The following SUMF1 variants were observed in gnomAD, a reference collection of about 807,000 sequenced individuals.
SUMF1 encodes formylglycine-generating enzyme.
SUMF1 carries 48 observed loss-of-function variants against 47.6 expected under a neutral mutation model. The ratio of observed to expected loss-of-function variants is 1.01; its 90% CI spans 0.80 to 1.28. SUMF1 has a LOEUF of 1.28. Among genes scored for constraint, SUMF1 ranks in the 50% most tolerant of loss-of-function variants. SUMF1 has a pLI of 0.00. For synonymous variants in SUMF1, 230 were observed against 192.1 expected (o/e 1.20, Z -1.63); for missense variants, 571 against 485.4 (o/e 1.18, Z -1.66).
chr3:4,041,104 ACTCT>A (rs1180715818), intron 9 of SUMF1, among the ~76,000 whole-genome samples: 2 of 152,058 alleles, frequency 1.3e-5, no homozygotes, highest in African/African-American at 4.8e-5. Context: ...ACAGAATCTC[ACTCT>A]GTAGCCCAGG....
chr3:4,036,266 T>C (rs1458126872), intron 9 of SUMF1, among the ~76,000 whole-genome samples: 3 of 152,212 alleles, frequency 2.0e-5, no homozygotes, highest in Admixed American at 2.0e-4. Flanking sequence ...GGAGACCTCA[T>C]GTTTAGAATG....
chr3:4,335,427 A>G (rs1699126969), intron 8 of SUMF1, among the ~76,000 whole-genome samples: 1 of 152,168 alleles, frequency 6.6e-6, no homozygotes, highest in Non-Finnish European at 1.5e-5. Context: ...TGAATCCCCA[A>G]ATCAGCCTCT....
At chr3:4,413,794 G>A (rs899042155) in intron 6 of SUMF1, among the ~76,000 whole-genome samples, 13 of 151,926 alleles carry the variant, frequency 8.6e-5, no homozygotes, top group Admixed American at 4.6e-4. Flanking sequence ...GGGAGGCTGA[G>A]GAAAAAGGAT....
chr3:4,432,723 ACAGT>A (rs935472601), intron 3 of SUMF1, among the ~76,000 whole-genome samples: 1 of 152,224 alleles, frequency 6.6e-6, no homozygotes, highest in African/African-American at 2.4e-5. Flanking sequence ...GTCCGTCATC[ACAGT>A]CAGTTATAAA....
chr3:4,170,466 AT>A (rs1373029088), intron 8 of SUMF1, among the ~76,000 whole-genome samples: 5 of 152,302 alleles, frequency 3.3e-5, no homozygotes, highest in Admixed American at 2.6e-4. Context: ...CAATGCACCA[AT>A]TTAAGCGTGA....
In SUMF1 at chr3:4,467,047, C is replaced by T. The variant is rs1475595922; in HGVS notation, c.199G>A (p.Ala67Thr). The T allele has an allele frequency of 1.9e-6, 3 of 1,570,500 alleles. No homozygotes were observed. The highest frequency in any genetic ancestry group is 3.7e-5 in the Admixed American group (2 of 53,426). Residue 67 changes from alanine to threonine, a missense_variant, in exon 1 of 9, where the codon GCT (alanine) becomes ACT (threonine). By Grantham distance (58) the Ala-to-Thr change is moderately conservative. Transcript: ENST00000272902. ...TTAGCCTCCCGCGAGTATCGGTGAG[C>T]GGCTGCCGAACTGCCATGGGCGCCA... ...RPGAHGSSAA[A>T]HRYSREANAP...
At chr3:4,308,744 C>G (rs1016380416) in intron 8 of SUMF1, among the ~76,000 whole-genome samples, 1 of 152,216 alleles carries the variant, frequency 6.6e-6, no homozygotes, top group Admixed American at 6.5e-5. Flanking sequence ...CAGAGTTTTC[C>G]TGCCTGGTCT....
At chr3:4,178,443 A>G (rs1695018213) in intron 8 of SUMF1, among the ~76,000 whole-genome samples, 1 of 152,210 alleles carries the variant, frequency 6.6e-6, no homozygotes, top group Admixed American at 6.5e-5. Flanking sequence ...CAAAAACCAC[A>G]TGATTATCTC....
rs561221278 is a variant in SUMF1, at chr3:4,251,570, G to A, written c.1014+124760C>T. On this transcript the variant is annotated intron_variant and NMD_transcript_variant, in intron 8 of 12. Transcript: ENST00000448413. ...CTGAAAGAGAAAGTCCATTGATGTG[G>A]CAAGCTTCATTGTTGTCTTAAGAAA... is the stretch of plus-strand genomic sequence containing the variant. Among the ~76,000 whole-genome samples, 5 of 152,280 alleles carry A rather than the reference G, an allele frequency of 3.3e-5. No homozygotes were observed. In the South Asian group the frequency reaches 1.0e-3, roughly 32 times the overall value.
chr3:4,362,851 C>T (rs1405916694), intron 8 of SUMF1, among the ~76,000 whole-genome samples: 1 of 151,960 alleles, frequency 6.6e-6, no homozygotes, highest in Non-Finnish European at 1.5e-5. Context: ...GTGTTTGAGG[C>T]TGCAGTACAC....
intron 8 of SUMF1, among the ~76,000 whole-genome samples, chr3:4,126,945 G>T (rs1487132141): frequency 6.6e-6 from 1 of 152,094 alleles, no homozygotes; most frequent in Non-Finnish European, 1.5e-5. Context: ...GAGGGTAAAT[G>T]ATTCCACATC....
Position 4,426,387 on chromosome 3 carries a change from G to A in SUMF1, c.520-6241C>T, listed in dbSNP as rs146147521. Among the ~76,000 whole-genome samples, 33 of 152,276 alleles carry A rather than the reference G, an allele frequency of 2.2e-4. No individual in the cohort carries two copies. In the East Asian group the frequency reaches 3.1e-3, roughly 14 times the overall value. On this transcript the variant is annotated intron_variant, in intron 3 of 8. Coordinates refer to ENST00000272902, the MANE Select transcript of SUMF1 (RefSeq NM_182760.4). ...AGAGGTAGGGCCTTATTCATCCTGC[G>A]CAAGTTTCCCTTGGAATGTCAAATA...
intron 8 of SUMF1, among the ~76,000 whole-genome samples, chr3:4,189,169 G>C (rs569248907): frequency 1.3e-5 from 2 of 152,112 alleles, no homozygotes; most frequent in South Asian, 4.2e-4. Flanking sequence ...TAATAAGCTG[G>C]GGATTTTTTG....
intron 8 of SUMF1, among the ~76,000 whole-genome samples, chr3:4,250,246 G>C (rs115958689): frequency 0.027 from 3,940 of 145,518 alleles, 67 homozygotes; most frequent in African/African-American, 0.035. Flanking sequence ...GGGTGAGGGA[G>C]AGGGAAAGGA....
At chr3:4,078,670 A>G (rs1349382545) in intron 8 of SUMF1, among the ~76,000 whole-genome samples, 2 of 152,072 alleles carry the variant, frequency 1.3e-5, no homozygotes, top group African/African-American at 4.8e-5. Flanking sequence ...CAGCAGGAGA[A>G]TCACTTGAGG....
At chr3:4,253,457 A>G (rs1459131247) in intron 8 of SUMF1, among the ~76,000 whole-genome samples, 1 of 152,186 alleles carries the variant, frequency 6.6e-6, no homozygotes, top group Non-Finnish European at 1.5e-5. Flanking sequence ...TGGGAAGCAC[A>G]AGGGGTCAGG....
intron 7 of SUMF1, among the ~76,000 whole-genome samples, chr3:4,384,992 T>A (rs1475774027): frequency 1.3e-5 from 2 of 152,002 alleles, no homozygotes; most frequent in Non-Finnish European, 2.9e-5. Context: ...TTCAAGCGAT[T>A]CTCCTGCCTC....
intron 8 of SUMF1, chr3:4,313,678 A>T: frequency 6.2e-7 from 1 of 1,614,046 alleles, no homozygotes; most frequent in Non-Finnish European, 8.5e-7. Context: ...AAAGTCGAAC[A>T]TCAGTTGTGG....
At chr3:4,174,054 G>C (rs1694899667) in intron 8 of SUMF1, among the ~76,000 whole-genome samples, 1 of 152,008 alleles carries the variant, frequency 6.6e-6, no homozygotes, top group Non-Finnish European at 1.5e-5. Context: ...GTATTAGCTA[G>C]GATTAAATTA....
Sources: gnomAD v4.1 joint callset for allele counts (sites outside exome capture counted in the v4.1 genomes callset) on GRCh38, gnomAD v4.1.1 for gene constraint, MANE v1.5 for transcripts, NCBI Gene and HGNC (gene_info 2026-07-23, HGNC 2026-07-21) for gene names.